The following KCNQ3 variants were observed in gnomAD, a reference collection of about 807,000 sequenced individuals.
KCNQ3 encodes potassium voltage-gated channel subfamily Q member 3, also known as potassium voltage-gated channel subfamily KQT member 3.
A neutral mutation model predicts 92.5 loss-of-function variants in KCNQ3; 30 were observed. The ratio of observed to expected loss-of-function variants is 0.32; its 90% confidence interval spans 0.24 to 0.44. The LOEUF (loss-of-function observed/expected upper bound fraction) is 0.44, where lower values mean the gene tolerates loss of function less well. Ranked by LOEUF, KCNQ3 falls within the 20% of genes least tolerant of loss-of-function variation. KCNQ3 has a pLI of 1.00. For synonymous variants in KCNQ3, 450 were observed against 468.8 expected (o/e 0.96, Z 0.52); for missense variants, 913 against 1,140.3 (o/e 0.80, Z 2.87).
At chr8:132,242,647 TA>T (rs1815033165) in intron 1 of KCNQ3, among the ~76,000 whole-genome samples, 1 of 152,258 alleles carries the variant, frequency 6.6e-6, no homozygotes, top group Non-Finnish European at 1.5e-5. Context: ...ATTCCATTAC[TA>T]TTTCATTCAC....
intron 1 of KCNQ3, among the ~76,000 whole-genome samples, chr8:132,292,271 T>C (rs1217665595): frequency 6.6e-6 from 1 of 152,208 alleles, no homozygotes; most frequent in Non-Finnish European, 1.5e-5. Context: ...ATAACAGTGG[T>C]TGAATGTTTA....
At chr8:132,424,579 G>T (rs1821058584) in intron 1 of KCNQ3, among the ~76,000 whole-genome samples, 1 of 152,224 alleles carries the variant, frequency 6.6e-6, no homozygotes, top group Non-Finnish European at 1.5e-5. Flanking sequence ...AGGGACACTT[G>T]GGTGGTATTC....
At chr8:132,434,415 A>T (rs1821339684) in intron 1 of KCNQ3, among the ~76,000 whole-genome samples, 1 of 152,156 alleles carries the variant, frequency 6.6e-6, no homozygotes, top group African/African-American at 2.4e-5. Flanking sequence ...TGTACAATCT[A>T]TGAATGAAGA....
chr8:132,169,233 T>C (rs1826236052), intron 8 of KCNQ3, among the ~76,000 whole-genome samples: 1 of 152,152 alleles, frequency 6.6e-6, no homozygotes, highest in Non-Finnish European at 1.5e-5. Context: ...AGGATGCATT[T>C]ACCATCACAC....
chr8:132,349,545 A>G (rs1045796618), intron 1 of KCNQ3, among the ~76,000 whole-genome samples: 2 of 152,202 alleles, frequency 1.3e-5, no homozygotes, highest in Admixed American at 1.3e-4. Flanking sequence ...ATATTATAAG[A>G]TGTTAGCAGA....
At chr8:132,180,884 A>G (rs1222839573) in intron 3 of KCNQ3, among the ~76,000 whole-genome samples, 1 of 151,418 alleles carries the variant, frequency 6.6e-6, no homozygotes, top group Non-Finnish European at 1.5e-5. Context: ...GCCACTGTTG[A>G]GTCCTTTGAG....
chr8:132,314,405 AT>A (rs1817680897), intron 1 of KCNQ3, among the ~76,000 whole-genome samples: 1 of 152,186 alleles, frequency 6.6e-6, no homozygotes, highest in Non-Finnish European at 1.5e-5. Context: ...GTCCCAGTTA[AT>A]TTTAGGCTTC....
At chr8:132,192,871 T>C (rs1460976473) in intron 1 of KCNQ3, among the ~76,000 whole-genome samples, 3 of 152,304 alleles carry the variant, frequency 2.0e-5, no homozygotes, top group South Asian at 4.1e-4. Context: ...GGTCTCGAAC[T>C]CCTGACCACA....
At chr8:132,210,483 C>T (rs912055834) in intron 1 of KCNQ3, among the ~76,000 whole-genome samples, 4 of 152,186 alleles carry the variant, frequency 2.6e-5, no homozygotes, top group Non-Finnish European at 4.4e-5. Context: ...ATTTTCTTGA[C>T]ATTTTTACAC....
chr8:132,476,767 G>A (rs1353749585), intron 1 of KCNQ3, among the ~76,000 whole-genome samples: 2 of 152,202 alleles, frequency 1.3e-5, no homozygotes, highest in African/African-American at 2.4e-5. Context: ...GCTGGAATGA[G>A]TTAAGACCTT....
At chr8:132,264,398 C>A (rs1225422196) in intron 1 of KCNQ3, among the ~76,000 whole-genome samples, 1 of 152,190 alleles carries the variant, frequency 6.6e-6, no homozygotes, top group East Asian at 1.9e-4. Context: ...GTCATCTCCC[C>A]AAACCCTCCT....
chr8:132,278,154 T>C (rs1816399807), intron 1 of KCNQ3: 2 of 985,380 alleles, frequency 2.0e-6, no homozygotes, highest in Non-Finnish European at 2.4e-6. Flanking sequence ...TTTTGTACTC[T>C]GGAAATTTAC....
intron 1 of KCNQ3, among the ~76,000 whole-genome samples, chr8:132,243,959 G>A (rs144348537): frequency 1.3e-4 from 20 of 152,282 alleles, no homozygotes; most frequent in African/African-American, 4.3e-4. Flanking sequence ...CAATGGCAAC[G>A]AGCATTCACT....
intron 1 of KCNQ3, among the ~76,000 whole-genome samples, chr8:132,421,546 G>A (rs886952604): frequency 3.3e-5 from 5 of 152,098 alleles, no homozygotes; most frequent in Admixed American, 2.0e-4. Context: ...TGTGTGGGTC[G>A]GGGGAACAAA....
At chr8:132,437,277 C>CA (rs61160384) in intron 1 of KCNQ3, among the ~76,000 whole-genome samples, 8,376 of 132,764 alleles carry the variant, frequency 0.063, 292 homozygotes, top group Middle Eastern at 0.13. Flanking sequence ...GACTCCGTCT[C>CA]AAAAAAAAAA....
chr8:132,176,463 T>G (rs1826557592), intron 4 of KCNQ3, among the ~76,000 whole-genome samples: 1 of 152,204 alleles, frequency 6.6e-6, no homozygotes, highest in Non-Finnish European at 1.5e-5. Context: ...AAAGGCAAGG[T>G]TATTGGTGAA....
At chr8:132,328,963 C>T (rs1818148618) in intron 1 of KCNQ3, among the ~76,000 whole-genome samples, 1 of 152,168 alleles carries the variant, frequency 6.6e-6, no homozygotes, top group African/African-American at 2.4e-5. Context: ...CACATCTCTA[C>T]CCGCCCATTC....
At chr8:132,277,425 T>C (rs1333367226) in intron 1 of KCNQ3, among the ~76,000 whole-genome samples, 5 of 152,156 alleles carry the variant, frequency 3.3e-5, no homozygotes, top group Admixed American at 6.5e-5. Flanking sequence ...GCATCACAGA[T>C]AGTGTGGAGG....
chr8:132,394,692 G>A (rs1178885049), intron 1 of KCNQ3, among the ~76,000 whole-genome samples: 1 of 152,050 alleles, frequency 6.6e-6, no homozygotes, highest in Non-Finnish European at 1.5e-5. Flanking sequence ...GGGAGTGATG[G>A]GAGAAGTTCA....
Sources: allele counts gnomAD v4.1 joint callset (sites outside exome capture counted in the v4.1 genomes callset), GRCh38; gene constraint gnomAD v4.1.1; transcripts MANE v1.5; gene names NCBI Gene and HGNC (gene_info 2026-07-23, HGNC 2026-07-21).